The following SHISA9 variants were observed in gnomAD, a reference collection of about 807,000 sequenced individuals.
The protein encoded by SHISA9 is protein shisa-9.
In SHISA9, 13 loss-of-function variants were observed where a neutral mutation model predicts 38.0. That is an observed-to-expected ratio of 0.34 (90% CI 0.22 to 0.54). The LOEUF (loss-of-function observed/expected upper bound fraction) is 0.54. SHISA9 is among the 20% of genes least tolerant of loss of function. The probability of loss-of-function intolerance (pLI) is 0.91; values close to 1 mark genes in which losing one functional copy is unlikely to be tolerated. For missense variants in SHISA9, 538 were observed against 575.8 expected, an observed-to-expected ratio of 0.93 and a Z score of 0.67; for synonymous variants, 275 against 242.0, an observed-to-expected ratio of 1.14 and a Z score of -1.27.
intron 2 of SHISA9, among the ~76,000 whole-genome samples, chr16:13,033,962 A>G (rs1416070382): frequency 6.6e-6 from 1 of 152,160 alleles, no homozygotes; most frequent in African/African-American, 2.4e-5. Flanking sequence ...CCTAACTAAC[A>G]TGGCAAAACC....
chr16:13,097,161 T>C (rs775638601), intron 2 of SHISA9, among the ~76,000 whole-genome samples: 27 of 152,194 alleles, frequency 1.8e-4, no homozygotes, highest in Non-Finnish European at 2.6e-4. Context: ...TGAATCCCTA[T>C]ACAGAACCCC....
the SHISA9 span, among the ~76,000 whole-genome samples, chr16:13,488,361 C>T: frequency 6.6e-6 from 1 of 152,142 alleles, no homozygotes; most frequent in African/African-American, 2.4e-5. Flanking sequence ...TGTCATACTT[C>T]AACATAAATG....
At chr16:13,432,223 T>A in the SHISA9 span, among the ~76,000 whole-genome samples, 1 of 152,236 alleles carries the variant, frequency 6.6e-6, no homozygotes, top group Non-Finnish European at 1.5e-5. Flanking sequence ...ATTCCTCTTA[T>A]CTGTACACTT....
chr16:13,401,657 C>T, the SHISA9 span, among the ~76,000 whole-genome samples: 1 of 152,276 alleles, frequency 6.6e-6, no homozygotes, highest in Non-Finnish European at 1.5e-5. Context: ...TAGAGGGAGG[C>T]CATCTACAAG....
At chr16:13,528,765 T>G in the SHISA9 span, among the ~76,000 whole-genome samples, 1 of 152,178 alleles carries the variant, frequency 6.6e-6, no homozygotes, top group Non-Finnish European at 1.5e-5. Flanking sequence ...ATAAAGGAAT[T>G]ACATAAGATT....
intron 2 of SHISA9, among the ~76,000 whole-genome samples, chr16:12,984,960 C>A (rs1179713517): frequency 1.3e-5 from 2 of 152,202 alleles, no homozygotes; most frequent in African/African-American, 2.4e-5. Context: ...CGGGATTAGG[C>A]TGAGGCCGAG....
At chr16:13,138,887 C>A (rs937042801) in intron 2 of SHISA9, among the ~76,000 whole-genome samples, 1 of 152,120 alleles carries the variant, frequency 6.6e-6, no homozygotes, top group African/African-American at 2.4e-5. Context: ...TTTTTAATTC[C>A]ATGGTACCCA....
the SHISA9 span, among the ~76,000 whole-genome samples, chr16:13,529,146 G>A: frequency 6.6e-6 from 1 of 152,150 alleles, no homozygotes; most frequent in South Asian, 2.1e-4. Context: ...TAACCAGAGT[G>A]AATGTTCAAA....
the SHISA9 span, among the ~76,000 whole-genome samples, chr16:13,400,795 CT>C: frequency 6.6e-6 from 1 of 152,210 alleles, no homozygotes; most frequent in Admixed American, 6.5e-5. Context: ...CAGGACACAG[CT>C]TAGGAGGCCC....
At chr16:13,424,059 A>G in the SHISA9 span, among the ~76,000 whole-genome samples, 1,359 of 152,356 alleles carry the variant, frequency 8.9e-3, 8 homozygotes, top group Non-Finnish European at 0.012. Context: ...TAACCAAACC[A>G]TAGAAGCCAT....
At chr16:13,437,203 C>G in the SHISA9 span, among the ~76,000 whole-genome samples, 2 of 151,750 alleles carry the variant, frequency 1.3e-5, no homozygotes, top group Non-Finnish European at 2.9e-5. Context: ...CAAGTTTTTA[C>G]TCAAAAAAAA....
At chr16:13,546,348 A>T in the SHISA9 span, among the ~76,000 whole-genome samples, 1 of 152,204 alleles carries the variant, frequency 6.6e-6, no homozygotes, top group African/African-American at 2.4e-5. Flanking sequence ...GCATGTTAGT[A>T]TCATCTTATT....
chr16:13,395,754 A>G, the SHISA9 span, among the ~76,000 whole-genome samples: 2 of 152,218 alleles, frequency 1.3e-5, no homozygotes, highest in South Asian at 2.1e-4. Flanking sequence ...GAGTCGATAA[A>G]TATTTGTCAA....
intron 2 of SHISA9, among the ~76,000 whole-genome samples, chr16:12,977,528 A>G (rs778382539): frequency 1.3e-5 from 2 of 152,202 alleles, no homozygotes; most frequent in African/African-American, 2.4e-5. Flanking sequence ...TATGTTCATT[A>G]CTGCACTATT....
intron 2 of SHISA9, among the ~76,000 whole-genome samples, chr16:13,169,429 A>G (rs2050666233): frequency 6.6e-6 from 1 of 152,204 alleles, no homozygotes; most frequent in African/African-American, 2.4e-5. Context: ...CTGAAAGGCC[A>G]TTATGTTAGG....
chr16:13,273,869 C>T, the SHISA9 span, among the ~76,000 whole-genome samples: 7 of 152,156 alleles, frequency 4.6e-5, no homozygotes, highest in African/African-American at 1.4e-4. Flanking sequence ...TCCATGGTTA[C>T]CCATGTATCT....
intron 2 of SHISA9, among the ~76,000 whole-genome samples, chr16:13,014,784 G>C (rs1272977769): frequency 6.6e-6 from 1 of 152,174 alleles, no homozygotes; most frequent in Non-Finnish European, 1.5e-5. Context: ...GATGAATCAG[G>C]CCTCACAGTG....
intron 2 of SHISA9, among the ~76,000 whole-genome samples, chr16:13,200,388 C>G (rs1382656426): frequency 7.0e-6 from 1 of 142,042 alleles, no homozygotes; most frequent in African/African-American, 2.7e-5. Context: ...CAGTAGCTAT[C>G]CACCAAAAAA....
chr16:13,530,798 G>T, the SHISA9 span, among the ~76,000 whole-genome samples: 1 of 152,270 alleles, frequency 6.6e-6, no homozygotes, highest in South Asian at 2.1e-4. Flanking sequence ...CTCCAAGGGT[G>T]ACCTGATTGG....
Sources: gnomAD v4.1 joint callset for allele counts (sites outside exome capture counted in the v4.1 genomes callset) on GRCh38, gnomAD v4.1.1 for gene constraint, MANE v1.5 for transcripts, NCBI Gene and HGNC (gene_info 2026-07-23, HGNC 2026-07-21) for gene names.